Variants in B3GNT5 observed in about 807,000 individuals in gnomAD.
B3GNT5 encodes the protein lactosylceramide 1,3-N-acetyl-beta-D-glucosaminyltransferase.
In B3GNT5, 11 loss-of-function variants were observed where a neutral mutation model predicts 25.9. The ratio of observed to expected loss-of-function variants is 0.42; its 90% confidence interval spans 0.27 to 0.70. B3GNT5 has a LOEUF of 0.70. Among genes scored for constraint, B3GNT5 ranks in the 30% least tolerant of loss-of-function variants. The pLI is 0.23. For synonymous variants in B3GNT5, 166 were observed against 158.6 expected, an observed-to-expected ratio of 1.05 and a Z score of -0.35; for missense variants, 385 against 458.4, an observed-to-expected ratio of 0.84 and a Z score of 1.46.
chr3:183,262,514 C>G (rs890188250), intron 1 of B3GNT5, among the ~76,000 whole-genome samples: 1 of 151,994 alleles, frequency 6.6e-6, no homozygotes, highest in African/African-American at 2.4e-5. Context: ...TTTTGGTACC[C>G]CCTTAAATTG....
At position 183,271,125 on chromosome 3, in the gene B3GNT5, C is replaced by T. The variant is rs1026446228; in HGVS notation, c.*190C>T. ...ACTTATCTACTTCATTGCCTAAGTT[C>T]ATTTCAAAGAATTTGTATTTAGAAA... On this transcript the variant is annotated 3_prime_UTR_variant, in exon 2 of 2. Coordinates refer to ENST00000326505, the MANE Select transcript of B3GNT5 (RefSeq NM_032047.5). The T allele has an allele frequency of 1.0e-5, 5 of 478,880 alleles. No homozygotes were observed. Among genetic ancestry groups the T allele is most frequent in the African/African-American group, 1.0e-4 (5 of 49,230 alleles). The allele number at this position is 478,880 out of a possible 1,614,324, so 29.7% of individuals were successfully genotyped here.
chr3:183,269,808 T>C lies in B3GNT5; in HGVS notation c.10T>C (p.Leu4=). Residue 4 remains leucine (L), a synonymous_variant, in exon 2 of 2, where the codon TTG becomes CTG. Coordinates refer to ENST00000326505, the MANE Select transcript of B3GNT5 (RefSeq NM_032047.5). The part of the protein sequence containing the change: MRM[L]VSGRRVKKWQ... ...ACAGACTTGAGTGGATATGAGAATG[T>C]TGGTTAGTGGCAGAAGAGTCAAAAA... is the stretch of plus-strand genomic sequence containing the variant. 1 of 1,604,206 alleles carries C rather than the reference T, an allele frequency of 6.2e-7. No homozygotes were observed. The highest frequency in any genetic ancestry group is 1.1e-5 in the South Asian group (1 of 89,016).
intron 1 of B3GNT5, among the ~76,000 whole-genome samples, chr3:183,264,141 AC>A (rs1026386639): frequency 1.8e-4 from 27 of 151,982 alleles, no homozygotes; most frequent in African/African-American, 4.3e-4. Flanking sequence ...TGCTTTCTGT[AC>A]CCCCCTAAGA....
In B3GNT5 at chr3:183,269,986, C is replaced by T. The variant is rs752364337; in HGVS notation, c.188C>T (p.Ser63Phe). The change falls in exon 2 of 2, where the codon TCT (serine) becomes TTT (phenylalanine). Residue 63 changes from serine (S) to phenylalanine (F), a missense_variant. Transcript: ENST00000326505. ...NSYDFVNDTL[S>F]LKHTSAGPRY... ...TATGACTTTGTGAATGATACCCTGT[C>T]TCTTAAGCACACCTCAGCGGGGCCT... 6.2e-7 allele frequency: 1 copy of T among 1,614,096 alleles called. No individual in the cohort carries two copies. Among genetic ancestry groups the T allele is most frequent in the Non-Finnish European group, 8.5e-7 (1 of 1,179,998 alleles).
Position 183,273,346 on chromosome 3 carries a change from A to T in B3GNT5, c.*2411A>T, listed in dbSNP as rs188376090. On this transcript the variant is annotated 3_prime_UTR_variant, in exon 2 of 2. Transcript: ENST00000326505. ...GTATGGCAAAATAATTAGTGAGTTT[A>T]AAAAAAATCTATAGTTTCCAATAAA... 1,442 of 232,648 alleles carry T rather than the reference A, an allele frequency of 6.2e-3. 21 individuals are homozygous for T. The highest frequency in any genetic ancestry group is 0.031 in the African/African-American group (1,364 of 44,210). The allele number at this position is 232,648 out of a possible 1,614,324, so 14.4% of individuals were successfully genotyped here.
intron 1 of B3GNT5, among the ~76,000 whole-genome samples, chr3:183,258,130 G>A (rs1725239763): frequency 6.6e-6 from 1 of 151,836 alleles, no homozygotes; most frequent in Non-Finnish European, 1.5e-5. Flanking sequence ...ACCACACCCA[G>A]CTAATTTTTG....
In B3GNT5 at chr3:183,271,555, CT is replaced by C. The variant is rs1291271861; in HGVS notation, c.*626del. ...GTCATTAAAATACCTTTTTTTGCAT[CT>C]TTTTTCAAAGTTTAATGTGAACTTT... On this transcript the variant is annotated 3_prime_UTR_variant, in exon 2 of 2. Coordinates refer to ENST00000326505, the MANE Select transcript of B3GNT5 (RefSeq NM_032047.5). 1.2e-5 allele frequency: 2 copies of C among 166,866 alleles called. No homozygotes were observed. Among genetic ancestry groups the C allele is most frequent in the Non-Finnish European group, 2.9e-5 (2 of 68,054 alleles). The allele number at this position is 166,866 out of a possible 1,614,324, so 10.3% of individuals were successfully genotyped here. A position where few individuals can be genotyped will look rare whatever the true frequency, so the allele number is the denominator to read the frequency against.
chr3:183,257,417 A>C (rs528095199), intron 1 of B3GNT5, among the ~76,000 whole-genome samples: 2 of 152,190 alleles, frequency 1.3e-5, no homozygotes, highest in Non-Finnish European at 2.9e-5. Flanking sequence ...TTAGCATCCT[A>C]TCCTGCCCAT....
At chr3:183,260,185 G>C (rs917748071) in intron 1 of B3GNT5, among the ~76,000 whole-genome samples, 2 of 152,056 alleles carry the variant, frequency 1.3e-5, no homozygotes, top group African/African-American at 4.8e-5. Flanking sequence ...CGATGCCTCA[G>C]TATCTTCTGC....
intron 1 of B3GNT5, among the ~76,000 whole-genome samples, chr3:183,254,423 G>A (rs1724835029): frequency 1.3e-5 from 2 of 151,886 alleles, no homozygotes; most frequent in South Asian, 4.1e-4. Context: ...CCCCTCCCCG[G>A]AACGCCTTTG....
chr3:183,269,532 A>T lies in B3GNT5; in HGVS notation c.-267A>T, dbSNP rs1299090995. On this transcript the variant is annotated 5_prime_UTR_variant, in exon 2 of 2. It removes the in-frame stop codon of an upstream open reading frame in the 5' UTR. Transcript: ENST00000326505. ...AATATTCACATGGGAGAGCCGCATG[A>T]GGCCGCCCACCACGCTTCCTGAAGG... 7.8e-6 allele frequency: 3 copies of T among 386,394 alleles called. No individual in the cohort carries two copies. Among genetic ancestry groups the T allele is most frequent in the Non-Finnish European group, 1.4e-5 (3 of 216,952 alleles). The allele number at this position is 386,394 out of a possible 1,614,324, so 23.9% of individuals were successfully genotyped here. A position where few individuals can be genotyped will look rare whatever the true frequency, so the allele number is the denominator to read the frequency against.
intron 1 of B3GNT5, among the ~76,000 whole-genome samples, chr3:183,259,486 C>T (rs896154014): frequency 1.3e-5 from 2 of 152,102 alleles, no homozygotes; most frequent in East Asian, 1.9e-4. Flanking sequence ...TTACTTCTTA[C>T]GTGTCATTTT....
chr3:183,270,224 A>G lies in B3GNT5; in HGVS notation c.426A>G (p.Leu142=), dbSNP rs1726624467. 6.2e-7 allele frequency: 1 copy of G among 1,614,198 alleles called. No individual in the cohort carries two copies. Among genetic ancestry groups the G allele is most frequent in the Non-Finnish European group, 8.5e-7 (1 of 1,180,016 alleles). Residue 142 remains leucine (L), a synonymous_variant, in exon 2 of 2, where the codon CTA becomes CTG. Transcript: ENST00000326505. The surrounding 1 kb of genome is among the most constrained non-coding windows in gnomAD (Gnocchi z 4.5). ...GTPNPLEGEE[L]QRKLAWEDQR... ...CTAATCCACTGGAGGGAGAAGAACT[A>G]CAAAGAAAACTGGCTTGGGAAGATC... is the stretch of plus-strand genomic sequence containing the variant.
intron 1 of B3GNT5, among the ~76,000 whole-genome samples, chr3:183,259,068 C>T (rs927982852): frequency 2.0e-5 from 3 of 152,070 alleles, no homozygotes; most frequent in African/African-American, 7.3e-5. Flanking sequence ...TTGGTTGAAT[C>T]TGAGGATGCG....
chr3:183,266,227 T>A (rs1726107289), intron 1 of B3GNT5: 1 of 152,238 alleles, frequency 6.6e-6, no homozygotes, highest in Non-Finnish European at 1.5e-5. Context: ...GCACAAAGTC[T>A]AGCAAGAAGC....
chr3:183,254,264 T>C (rs1724810843), intron 1 of B3GNT5: 1 of 151,304 alleles, frequency 6.6e-6, no homozygotes, highest in African/African-American at 2.4e-5. Flanking sequence ...CGGGGGCGCG[T>C]GGCTGGCGTG....
intron 1 of B3GNT5, among the ~76,000 whole-genome samples, chr3:183,265,028 C>G (rs1281224457): frequency 6.6e-6 from 1 of 152,204 alleles, no homozygotes; most frequent in Non-Finnish European, 1.5e-5. Flanking sequence ...GAGATATCTG[C>G]ATATTTTCTT....
chr3:183,270,114 G>A lies in B3GNT5; in HGVS notation c.316G>A (p.Gly106Arg), dbSNP rs548273302. 1.1e-5 allele frequency: 17 copies of A among 1,613,992 alleles called. No individual in the cohort carries two copies. The highest frequency in any genetic ancestry group is 2.2e-5 in the East Asian group (1 of 44,894). Reference protein sequence around the residue: ...TAPENYDRRSGIRRTWGNENY... With the variant: ...TAPENYDRRSRIRRTWGNENY... ...TCCTGAAAACTATGATCGACGTTCC[G>A]GAATTAGAAGGACGTGGGGCAATGA... Residue 106 changes from glycine (G) to arginine (R), a missense_variant, in exon 2 of 2, where the codon GGA (glycine) becomes AGA (arginine). Physicochemically the swap from Gly to Arg is moderately radical, Grantham distance 125. Coordinates refer to ENST00000326505, the MANE Select transcript of B3GNT5 (RefSeq NM_032047.5). The surrounding 1 kb of genome is among the most constrained non-coding windows in gnomAD (Gnocchi z 4.5).
chr3:183,254,948 T>G (rs1440020591), intron 1 of B3GNT5, among the ~76,000 whole-genome samples: 6 of 152,228 alleles, frequency 3.9e-5, no homozygotes, highest in Non-Finnish European at 8.8e-5. Flanking sequence ...GTAACAGTTT[T>G]CAACTCGACT....
Sources: gnomAD v4.1 joint callset for allele counts (sites outside exome capture counted in the v4.1 genomes callset) on GRCh38, gnomAD v4.1.1 for gene constraint, Gnocchi (gnomAD v3.1) non-coding constraint, MANE v1.5 for transcripts, NCBI Gene and HGNC (gene_info 2026-07-23, HGNC 2026-07-21) for gene names.